Variants in MAST4 observed in about 807,000 individuals in gnomAD.
MAST4 encodes the protein microtubule-associated serine/threonine-protein kinase 4.
A neutral mutation model predicts 162.7 loss-of-function variants in MAST4; 89 were observed. The observed-to-expected ratio is 0.55, with a 90% confidence interval of 0.46 to 0.65. The LOEUF (loss-of-function observed/expected upper bound fraction) is 0.65. Among genes scored for constraint, MAST4 ranks in the 30% least tolerant of loss-of-function variants. MAST4 has a pLI of 0.00. For missense variants in MAST4, 3,153 were observed against 3,374.0 expected, an observed-to-expected ratio of 0.93 and a Z score of 1.62; for synonymous variants, 1,479 against 1,361.1, an observed-to-expected ratio of 1.09 and a Z score of -1.91.
intron 4 of MAST4, among the ~76,000 whole-genome samples, chr5:66,904,260 T>C (rs1367622826): frequency 2.0e-5 from 3 of 152,190 alleles, no homozygotes; most frequent in Non-Finnish European, 2.9e-5. Context: ...CCACTATTTA[T>C]TTTTAAAGGA....
chr5:66,640,768 G>A (rs1214081289), intron 1 of MAST4, among the ~76,000 whole-genome samples: 8 of 152,132 alleles, frequency 5.3e-5, no homozygotes, highest in African/African-American at 1.2e-4. Context: ...TTGCTGGACC[G>A]TATGGTGGTT....
At chr5:66,936,639 A>G (rs1287341653) in intron 4 of MAST4, among the ~76,000 whole-genome samples, 1 of 152,228 alleles carries the variant, frequency 6.6e-6, no homozygotes, top group Non-Finnish European at 1.5e-5. Flanking sequence ...TCATCAGTTA[A>G]GGCAGGAACA....
chr5:66,600,515 C>G (rs1461671913), intron 1 of MAST4, among the ~76,000 whole-genome samples: 4 of 152,174 alleles, frequency 2.6e-5, no homozygotes, highest in Admixed American at 1.3e-4. Flanking sequence ...TCTTTGTACG[C>G]CTAGCATGGT....
At chr5:66,753,380 T>G (rs1753312388) in intron 1 of MAST4, among the ~76,000 whole-genome samples, 2 of 150,556 alleles carry the variant, frequency 1.3e-5, no homozygotes, top group Admixed American at 1.3e-4. Flanking sequence ...TTTGAAAGGA[T>G]CAACAAAATT....
Position 66,759,742 on chromosome 5 carries a change from T to G in MAST4, c.397T>G (p.Phe133Val). 1 of 1,613,950 alleles carries G rather than the reference T, an allele frequency of 6.2e-7. No individual in the cohort carries two copies. The highest frequency in any genetic ancestry group is 8.5e-7 in the Non-Finnish European group (1 of 1,179,846). The change falls in exon 2 of 29, where the codon TTT becomes GTT. Residue 133 changes from phenylalanine to valine, a missense_variant. Coordinates refer to ENST00000403625, the MANE Select transcript of MAST4 (RefSeq NM_001164664.2). ...CATATTATCCCCTCCACCCATGCCG[T>G]TTCGGAAATGCAGCAACCCAGATGT... The part of the protein sequence containing the change: ...DHILSPPPMP[F>V]RKCSNPDVAS...
chr5:67,088,173 A>G (rs1763460936), intron 5 of MAST4, among the ~76,000 whole-genome samples: 1 of 152,218 alleles, frequency 6.6e-6, no homozygotes, highest in Non-Finnish European at 1.5e-5. Context: ...AGATTAAAAA[A>G]TATATATTAA....
At chr5:67,048,778 A>G (rs1018933890) in intron 4 of MAST4, among the ~76,000 whole-genome samples, 2 of 151,746 alleles carry the variant, frequency 1.3e-5, no homozygotes, top group African/African-American at 4.8e-5. Flanking sequence ...CACCTAGTCA[A>G]TAGAAAAACA....
At chr5:66,731,416 C>A (rs569624957) in intron 1 of MAST4, among the ~76,000 whole-genome samples, 1 of 152,126 alleles carries the variant, frequency 6.6e-6, no homozygotes. Flanking sequence ...GAGATGGCAA[C>A]CTATCAATTT....
chr5:66,849,606 C>G (rs935931282), intron 3 of MAST4, among the ~76,000 whole-genome samples: 1 of 152,152 alleles, frequency 6.6e-6, no homozygotes, highest in African/African-American at 2.4e-5. Flanking sequence ...CTTCTGCAGA[C>G]CACCATCACC....
At chr5:66,706,860 T>C (rs538709789) in intron 1 of MAST4, among the ~76,000 whole-genome samples, 1 of 152,338 alleles carries the variant, frequency 6.6e-6, no homozygotes, top group Admixed American at 6.5e-5. Context: ...TTAGGCCTCA[T>C]TAGAATGTTT....
intron 3 of MAST4, among the ~76,000 whole-genome samples, chr5:66,789,390 C>G (rs946777232): frequency 9.9e-5 from 15 of 152,182 alleles, no homozygotes; most frequent in Admixed American, 9.8e-4. Context: ...AGAATTTTCC[C>G]TCTCCAGTGT....
intron 1 of MAST4, among the ~76,000 whole-genome samples, chr5:66,622,123 G>A (rs1744114886): frequency 6.6e-6 from 1 of 152,182 alleles, no homozygotes; most frequent in Non-Finnish European, 1.5e-5. Flanking sequence ...GAGTGCTGGG[G>A]TGTGGGGTGA....
chr5:66,908,762 T>C (rs945277902), intron 4 of MAST4, among the ~76,000 whole-genome samples: 2 of 152,166 alleles, frequency 1.3e-5, no homozygotes, highest in East Asian at 3.8e-4. Context: ...TGTTAATCAA[T>C]AGGCAATCAA....
At chr5:66,843,413 C>T (rs1758564923) in intron 3 of MAST4, among the ~76,000 whole-genome samples, 2 of 152,138 alleles carry the variant, frequency 1.3e-5, no homozygotes, top group South Asian at 4.1e-4. Flanking sequence ...ACAGTTAGTG[C>T]CTTCAGAATC....
intron 1 of MAST4, among the ~76,000 whole-genome samples, chr5:66,751,066 C>G (rs972270446): frequency 1.3e-5 from 2 of 151,982 alleles, no homozygotes; most frequent in African/African-American, 4.8e-5. Flanking sequence ...GGTATTCGAA[C>G]AGACCTGCAG....
chr5:66,840,448 A>G (rs1354816703), intron 3 of MAST4, among the ~76,000 whole-genome samples: 1 of 152,200 alleles, frequency 6.6e-6, no homozygotes, highest in African/African-American at 2.4e-5. Flanking sequence ...ATTTCTGTTT[A>G]GCAATCAAGC....
At chr5:66,631,453 T>A (rs186112458) in intron 1 of MAST4, among the ~76,000 whole-genome samples, 123 of 152,290 alleles carry the variant, frequency 8.1e-4, no homozygotes, top group African/African-American at 2.9e-3. Context: ...TGGGTCTTGC[T>A]GAGGAGGTAA....
intron 4 of MAST4, among the ~76,000 whole-genome samples, chr5:67,045,295 AC>A (rs2150508829): frequency 6.6e-6 from 1 of 152,288 alleles, no homozygotes; most frequent in African/African-American, 2.4e-5. Context: ...TTATGTTGTG[AC>A]CACCAAGTGA....
intron 7 of MAST4, among the ~76,000 whole-genome samples, chr5:67,096,344 G>T (rs1448221670): frequency 1.3e-5 from 2 of 152,140 alleles, no homozygotes; most frequent in Non-Finnish European, 2.9e-5. Flanking sequence ...TTATGTTAGT[G>T]ATCATGTGGG....
Sources: allele counts gnomAD v4.1 joint callset (sites outside exome capture counted in the v4.1 genomes callset), GRCh38; gene constraint gnomAD v4.1.1; transcripts MANE v1.5; gene names NCBI Gene and HGNC (gene_info 2026-07-23, HGNC 2026-07-21).